Variants in STK39 observed in about 807,000 individuals in gnomAD.
STK39 encodes serine/threonine kinase 39.
STK39 carries 20 observed loss-of-function variants against 77.8 expected under a neutral mutation model. The observed-to-expected ratio is 0.26, with a 90% CI of 0.18 to 0.37. The LOEUF is 0.37. Ranked by LOEUF, STK39 falls within the 10% of genes least tolerant of loss-of-function variation. STK39 has a pLI of 1.00. For missense variants in STK39, 479 were observed against 656.5 expected (o/e 0.73, Z 2.95); for synonymous variants, 246 against 234.1 (o/e 1.05, Z -0.47).
At chr2:167,963,550 G>A (rs1228064495) in intron 17 of STK39, among the ~76,000 whole-genome samples, 2 of 148,928 alleles carry the variant, frequency 1.3e-5, no homozygotes, top group African/African-American at 2.5e-5. Context: ...CACACATTAA[G>A]AGGTGACAGT....
At chr2:167,982,684 G>C (rs1295676946) in intron 16 of STK39, among the ~76,000 whole-genome samples, 1 of 152,176 alleles carries the variant, frequency 6.6e-6, no homozygotes, top group Non-Finnish European at 1.5e-5. Context: ...CCAACACTGA[G>C]CTGGCATCTA....
chr2:168,053,174 G>C (rs1685440653), intron 14 of STK39, among the ~76,000 whole-genome samples: 1 of 152,114 alleles, frequency 6.6e-6, no homozygotes, highest in Non-Finnish European at 1.5e-5. Context: ...GAAAAACTGG[G>C]AACTCCCTCA....
At chr2:168,077,204 T>C (rs550421499) in intron 10 of STK39, among the ~76,000 whole-genome samples, 17 of 152,264 alleles carry the variant, frequency 1.1e-4, no homozygotes, top group African/African-American at 3.9e-4. Context: ...GCTGATGAAT[T>C]AGTATTCTTT....
intron 14 of STK39, among the ~76,000 whole-genome samples, chr2:168,032,597 A>C (rs185537934): frequency 1.3e-5 from 2 of 152,368 alleles, no homozygotes; most frequent in African/African-American, 4.8e-5. Context: ...AAAGGATGTC[A>C]GGCTGGACAA....
intron 1 of STK39, among the ~76,000 whole-genome samples, chr2:168,213,647 C>A (rs2105702619): frequency 6.8e-6 from 1 of 147,934 alleles, no homozygotes; most frequent in South Asian, 2.1e-4. Flanking sequence ...GATCACACCA[C>A]TGCACTCCAG....
At chr2:168,214,952 A>G (rs1046800959) in intron 1 of STK39, among the ~76,000 whole-genome samples, 7 of 152,164 alleles carry the variant, frequency 4.6e-5, no homozygotes, top group Admixed American at 2.0e-4. Flanking sequence ...ACCCAGTAGT[A>G]TATCTCTTGG....
At chr2:168,188,632 A>G (rs552566626) in intron 1 of STK39, among the ~76,000 whole-genome samples, 1 of 152,342 alleles carries the variant, frequency 6.6e-6, no homozygotes, top group African/African-American at 2.4e-5. Flanking sequence ...ATATGGTTCA[A>G]CATAGTATGA....
intron 16 of STK39, among the ~76,000 whole-genome samples, chr2:167,971,342 C>A (rs555157182): frequency 4.1e-4 from 62 of 152,240 alleles, no homozygotes; most frequent in African/African-American, 1.3e-3. Context: ...TTACATCTGA[C>A]TAGGTCAGAA....
chr2:168,031,283 T>C (rs1684827165), intron 14 of STK39, among the ~76,000 whole-genome samples: 1 of 152,222 alleles, frequency 6.6e-6, no homozygotes, highest in Non-Finnish European at 1.5e-5. Flanking sequence ...GTCAGTTTTT[T>C]ACAAAATCTA....
At chr2:168,031,500 T>A (rs1684832467) in intron 14 of STK39, among the ~76,000 whole-genome samples, 1 of 152,132 alleles carries the variant, frequency 6.6e-6, no homozygotes. Flanking sequence ...ACAGTTCAGA[T>A]TCATGTTGAA....
intron 16 of STK39, among the ~76,000 whole-genome samples, chr2:167,984,658 T>A (rs1683511949): frequency 6.6e-6 from 1 of 152,196 alleles, no homozygotes; most frequent in South Asian, 2.1e-4. Context: ...TTAGTGTTTA[T>A]ATCAAAGTTT....
At chr2:168,023,277 T>C (rs1415504594) in intron 14 of STK39, among the ~76,000 whole-genome samples, 2 of 151,740 alleles carry the variant, frequency 1.3e-5, no homozygotes, top group Admixed American at 1.3e-4. Flanking sequence ...TTTTTTTTTT[T>C]GCTATGTCTA....
At chr2:168,093,642 T>C (rs1686584777) in intron 10 of STK39, among the ~76,000 whole-genome samples, 1 of 152,194 alleles carries the variant, frequency 6.6e-6, no homozygotes, top group South Asian at 2.1e-4. Flanking sequence ...CTCTGCCTGC[T>C]CTGCCTTTGT....
rs544214139 is a variant in STK39 at position 168,002,593 on chromosome 2, T to C, written c.1498+10041A>G. Among the ~76,000 whole-genome samples the C allele has an allele frequency of 8.0e-4, 122 of 152,330 alleles. 1 individual carries two copies. The highest frequency in any genetic ancestry group is 2.8e-3 in the African/African-American group (117 of 41,572). On this transcript the variant is annotated intron_variant, in intron 16 of 17. Coordinates refer to ENST00000355999, the MANE Select transcript of STK39 (RefSeq NM_013233.3). ...AGTTTTCTAGGAATTCTTTTTTTTC[T>C]AGGAATTCTTTCCTCCGCTTAATTC...
At position 167,955,534 on chromosome 2, in the gene STK39, C is replaced by T; in HGVS notation, c.1600G>A (p.Val534Met). The change falls in exon 18 of 18, where the codon GTG (valine) becomes ATG (methionine). Residue 534 changes from valine (V) to methionine (M), a missense_variant. Around this residue, in one of 3 missense-constraint regions of STK39, gnomAD observed 244 missense variants for 296.8 expected, o/e 0.82. Transcript: ENST00000355999. ...GCDGSEIPDE[V>M]KLIGFAQLSV... ...AACTGAGCAAACCCAATCAGCTTCA[C>T]TTCATCAGGAATCTCCGACCCATCA... The T allele has an allele frequency of 1.2e-6, 2 of 1,613,872 alleles. No individual in the cohort carries two copies. The highest frequency in any genetic ancestry group is 1.7e-6 in the Non-Finnish European group (2 of 1,179,916).
chr2:168,247,217 G>T lies in STK39; in HGVS notation c.208+11C>A. On this transcript the variant is annotated intron_variant, in intron 1 of 17. Transcript: ENST00000355999. ...GGCCTGTGCCGGCCCCGCCGCGCCC[G>T]CCGCACTGACCGATAACCTCCTGCA... is the stretch of plus-strand genomic sequence containing the variant. 1.7e-6 allele frequency: 2 copies of T among 1,199,246 alleles called. No homozygotes were observed. The highest frequency in any genetic ancestry group is 2.4e-5 in the South Asian group (1 of 41,940). The allele number at this position is 1,199,246 out of a possible 1,614,324, so 74.3% of individuals were successfully genotyped here.
chr2:168,113,748 G>A (rs1323622418), intron 10 of STK39, among the ~76,000 whole-genome samples: 2 of 152,192 alleles, frequency 1.3e-5, no homozygotes, highest in South Asian at 2.1e-4. Context: ...CCCCAGACCT[G>A]TAGAATGTGA....
At chr2:167,974,073 T>C (rs1329057947) in intron 16 of STK39, among the ~76,000 whole-genome samples, 1 of 152,156 alleles carries the variant, frequency 6.6e-6, no homozygotes, top group African/African-American at 2.4e-5. Context: ...AGGATGAAAT[T>C]TGGCTTTCTC....
At chr2:168,053,677 A>G (rs1685453114) in intron 14 of STK39, among the ~76,000 whole-genome samples, 1 of 152,202 alleles carries the variant, frequency 6.6e-6, no homozygotes, top group Non-Finnish European at 1.5e-5. Context: ...TCATGCTTCT[A>G]TTTTGCTTCC....
Sources: gnomAD v4.1 joint callset for allele counts (sites outside exome capture counted in the v4.1 genomes callset) on GRCh38, gnomAD v4.1.1 for gene constraint, gnomAD v4.1.1 regional missense constraint, MANE v1.5 for transcripts, NCBI Gene and HGNC (gene_info 2026-07-23, HGNC 2026-07-21) for gene names.